The following KLHL2 variants were observed in gnomAD, a reference collection of about 807,000 sequenced individuals.
The protein encoded by KLHL2 is kelch like family member 2, also known as kelch-like protein 2.
A neutral mutation model predicts 75.8 loss-of-function variants in KLHL2; 15 were observed. That is an observed-to-expected ratio of 0.20 (90% CI 0.13 to 0.30). The LOEUF (loss-of-function observed/expected upper bound fraction) is 0.30. KLHL2 is among the 10% of genes least tolerant of loss of function. KLHL2 has a pLI of 1.00. For missense variants in KLHL2, 381 were observed against 741.0 expected, an observed-to-expected ratio of 0.51 and a Z score of 5.64; for synonymous variants, 214 against 251.9, an observed-to-expected ratio of 0.85 and a Z score of 1.42.
intron 5 of KLHL2, among the ~76,000 whole-genome samples, chr4:165,290,852 A>G (rs1744456129): frequency 6.6e-6 from 1 of 152,230 alleles, no homozygotes; most frequent in African/African-American, 2.4e-5. Context: ...CTGTAATCCC[A>G]GCTACTCAGA....
At chr4:165,294,300 T>C (rs1744743470) in intron 5 of KLHL2, 59 bp from the exon 6 acceptor site, 1 of 1,008,708 alleles carries the variant, frequency 9.9e-7, no homozygotes, top group South Asian at 1.4e-5. Context: ...TTTAAGCAGT[T>C]TGAAACTATG....
intron 4 of KLHL2, among the ~76,000 whole-genome samples, chr4:165,257,599 T>G (rs1741291635): frequency 6.6e-6 from 1 of 152,176 alleles, no homozygotes; most frequent in African/African-American, 2.4e-5. Flanking sequence ...GGGCAAGAAG[T>G]AAGGCTGAGA....
chr4:165,219,638 C>T, intron 1 of KLHL2: 1 of 1,108,942 alleles, frequency 9.0e-7, no homozygotes, highest in Non-Finnish European at 1.1e-6. Context: ...GATCATTTCT[C>T]AACAGTTTTA....
At chr4:165,209,673 C>CT (rs1372820974) in intron 1 of KLHL2, among the ~76,000 whole-genome samples, 1 of 152,132 alleles carries the variant, frequency 6.6e-6, no homozygotes, top group Non-Finnish European at 1.5e-5. Flanking sequence ...CAATGAGAGG[C>CT]TGAGATATAA....
rs1268579442 is a variant in KLHL2, at chr4:165,224,737, T to G, written c.153-4070T>G. Among the ~76,000 whole-genome samples the G allele has an allele frequency of 2.0e-5, 3 of 152,352 alleles. No homozygotes were observed. In the East Asian group the frequency reaches 5.8e-4, roughly 29 times the overall value. On this transcript the variant is annotated intron_variant, in intron 2 of 14. Coordinates refer to ENST00000226725, the MANE Select transcript of KLHL2 (RefSeq NM_007246.4). Reference sequence around the variant, plus strand: ...AACAGTGAACTTAAGTGAGTCTCCCTTTTTCTTCAGGTATACCTGAGATAT... The same window carrying G: ...AACAGTGAACTTAAGTGAGTCTCCCGTTTTCTTCAGGTATACCTGAGATAT...
chr4:165,284,403 A>G (rs1028636476), intron 5 of KLHL2, among the ~76,000 whole-genome samples: 4 of 152,112 alleles, frequency 2.6e-5, no homozygotes, highest in African/African-American at 9.7e-5. Context: ...CTCAAGTTCA[A>G]AGTTCCACAG....
intron 5 of KLHL2, among the ~76,000 whole-genome samples, chr4:165,271,244 A>C (rs1199576840): frequency 6.6e-6 from 1 of 152,060 alleles, no homozygotes; most frequent in African/African-American, 2.4e-5. Context: ...TTTGGACAGT[A>C]TGGTCATTTT....
intron 4 of KLHL2, among the ~76,000 whole-genome samples, chr4:165,254,001 A>G (rs1740956624): frequency 1.3e-5 from 2 of 152,366 alleles, no homozygotes; most frequent in East Asian, 1.9e-4. Context: ...GAAGGATGCA[A>G]GGGCAGGAGC....
chr4:165,239,961 A>G (rs1020524593), intron 4 of KLHL2, among the ~76,000 whole-genome samples: 13 of 152,150 alleles, frequency 8.5e-5, no homozygotes, highest in Non-Finnish European at 1.8e-4. Flanking sequence ...ATTAGTGTAT[A>G]TGGGTCTAAC....
chr4:165,251,852 G>T (rs967791614), intron 4 of KLHL2, among the ~76,000 whole-genome samples: 12 of 151,938 alleles, frequency 7.9e-5, no homozygotes, highest in Non-Finnish European at 1.8e-4. Context: ...CTCGTGATCC[G>T]CCCGCCTCGG....
At chr4:165,242,393 C>T (rs1222859849) in intron 4 of KLHL2, among the ~76,000 whole-genome samples, 1 of 152,232 alleles carries the variant, frequency 6.6e-6, no homozygotes, top group Admixed American at 6.5e-5. Context: ...CTTATCTGCA[C>T]AAAGTTTTGC....
chr4:165,278,424 A>C (rs1297163901), intron 5 of KLHL2: 1 of 1,465,974 alleles, frequency 6.8e-7, no homozygotes, highest in Non-Finnish European at 9.6e-7. Flanking sequence ...ATGGCATCCA[A>C]AATCTCTCGA....
chr4:165,257,463 C>T (rs1010413505), intron 4 of KLHL2, among the ~76,000 whole-genome samples: 3 of 152,210 alleles, frequency 2.0e-5, no homozygotes, highest in Non-Finnish European at 4.4e-5. Context: ...CCCAGTGCAT[C>T]ACTGAAGGCC....
At chr4:165,320,972 G>A (rs961974519) in intron 14 of KLHL2, among the ~76,000 whole-genome samples, 7 of 152,284 alleles carry the variant, frequency 4.6e-5, no homozygotes, top group African/African-American at 1.4e-4. Context: ...AGATGTAGAA[G>A]CAATGTCAGA....
At chr4:165,249,699 C>T (rs569059631) in intron 4 of KLHL2, among the ~76,000 whole-genome samples, 32 of 152,336 alleles carry the variant, frequency 2.1e-4, no homozygotes, top group African/African-American at 7.7e-4. Context: ...ATGTGCCAAA[C>T]TCCACCAGAC....
intron 4 of KLHL2, among the ~76,000 whole-genome samples, chr4:165,244,425 G>A (rs1426037792): frequency 6.6e-6 from 1 of 152,198 alleles, no homozygotes; most frequent in Non-Finnish European, 1.5e-5. Context: ...GAGAGAATTG[G>A]TTCATCAGGT....
chr4:165,279,423 G>A, intron 5 of KLHL2: 1 of 1,599,834 alleles, frequency 6.3e-7, no homozygotes, highest in Non-Finnish European at 8.6e-7. Flanking sequence ...AGCTGTCCAA[G>A]TTTCTCACAT....
chr4:165,292,753 A>G (rs768276173), intron 5 of KLHL2, among the ~76,000 whole-genome samples: 8 of 152,162 alleles, frequency 5.3e-5, no homozygotes, highest in African/African-American at 1.9e-4. Context: ...TACATATTTG[A>G]AATGAATCTT....
intron 5 of KLHL2, among the ~76,000 whole-genome samples, chr4:165,280,890 T>G (rs1743615578): frequency 6.6e-6 from 1 of 152,194 alleles, no homozygotes; most frequent in Non-Finnish European, 1.5e-5. Context: ...AGATTAATAG[T>G]GTTGAAAGTC....
Sources: allele counts gnomAD v4.1 joint callset (sites outside exome capture counted in the v4.1 genomes callset), GRCh38; gene constraint gnomAD v4.1.1; transcripts MANE v1.5; gene names NCBI Gene and HGNC (gene_info 2026-07-23, HGNC 2026-07-21).